Variants in ERCC3 observed in about 807,000 individuals in gnomAD.
ERCC3 encodes the protein ERCC excision repair 3, TFIIH core complex helicase subunit.
In ERCC3, 66 loss-of-function variants were observed where a neutral mutation model predicts 94.2. The observed-to-expected ratio is 0.70, with a 90% confidence interval of 0.57 to 0.86. ERCC3 has a LOEUF of 0.86. Among genes scored for constraint, ERCC3 ranks in the 40% least tolerant of loss-of-function variants. The pLI, the probability that ERCC3 is intolerant of heterozygous loss-of-function variation, is 0.00. For missense variants in ERCC3, 829 were observed against 987.1 expected, an observed-to-expected ratio of 0.84 and a Z score of 2.15; for synonymous variants, 349 against 369.1, an observed-to-expected ratio of 0.95 and a Z score of 0.63.
In ERCC3 at chr2:127,294,139, C is replaced by T. The variant is rs1167392883; in HGVS notation, c.-58G>A. ...GCTCCCACAGGCCCGCCGCGGCATC[C>T]GCTCTGGGGGGACTTCCGGCTCAAT... On this transcript the variant is annotated 5_prime_UTR_variant, in exon 1 of 15. Transcript: ENST00000285398. The T allele has an allele frequency of 1.3e-5, 20 of 1,585,168 alleles. No homozygotes were observed. The highest frequency in any genetic ancestry group is 2.3e-5 in the East Asian group (1 of 44,008).
chr2:127,276,188 C>T (rs935671053), intron 10 of ERCC3, among the ~76,000 whole-genome samples: 19 of 152,146 alleles, frequency 1.2e-4, no homozygotes, highest in African/African-American at 4.6e-4. Flanking sequence ...AAATTCCTCA[C>T]TGAAGAAACC....
At chr2:127,269,828 C>T (rs374355248) in intron 12 of ERCC3, among the ~76,000 whole-genome samples, 1 of 151,834 alleles carries the variant, frequency 6.6e-6, no homozygotes, top group East Asian at 2.0e-4. Flanking sequence ...ACGAGCCTGG[C>T]CAAAATGGTG....
intron 3 of ERCC3, chr2:127,292,369 G>A (rs564663922): frequency 5.3e-4 from 316 of 593,178 alleles, no homozygotes; most frequent in Middle Eastern, 1.8e-3. Context: ...CATGAGAAGC[G>A]TGGCCTCACC....
chr2:127,288,447 G>A (rs923739519), intron 7 of ERCC3, among the ~76,000 whole-genome samples: 1 of 152,196 alleles, frequency 6.6e-6, no homozygotes, highest in Non-Finnish European at 1.5e-5. Context: ...GGTCAGAAGT[G>A]TTGTTCTAGC....
intron 3 of ERCC3, 130 bp downstream of exon 3, chr2:127,292,480 T>C: frequency 1.3e-6 from 1 of 780,820 alleles, no homozygotes. Flanking sequence ...GGGTAATCAG[T>C]CGTTATGCTC....
At chr2:127,269,712 C>T (rs573536710) in intron 12 of ERCC3, among the ~76,000 whole-genome samples, 3 of 151,346 alleles carry the variant, frequency 2.0e-5, no homozygotes, top group South Asian at 2.1e-4. Context: ...TGAGCCACCG[C>T]GCCTGGCCTT....
intron 3 of ERCC3, 133 bp from the exon 4 acceptor site, chr2:127,290,406 A>C (rs914803812): frequency 1.3e-6 from 1 of 782,560 alleles, no homozygotes; most frequent in Non-Finnish European, 2.3e-6. Context: ...TTGCAATCCT[A>C]AAGTGGTCAG....
chr2:127,293,363 T>C, intron 2 of ERCC3, 150 bp downstream of exon 2: 1 of 747,326 alleles, frequency 1.3e-6, no homozygotes. Flanking sequence ...GCTGTTGCCT[T>C]GGGCTGTTCC....
In ERCC3 at chr2:127,257,791, C is replaced by CACTCCTTTTATAATAT; in HGVS notation, c.2218-65_2218-64insATATTATAAAAGGAGT. On this transcript the variant is annotated intron_variant, in intron 14 of 14. Coordinates refer to ENST00000285398, the MANE Select transcript of ERCC3 (RefSeq NM_000122.2). This position sits in a 1 kb window ranked among gnomAD's most constrained non-coding sequence, Gnocchi z 5.4. ...AAGAAAAGATACTCCTTTTATAATACTTATAATCACAGCAAATTTTATAAG... is the reference window on the plus strand; with the variant it reads ...AAGAAAAGATACTCCTTTTATAATACACTCCTTTTATAATATTTATAATCACAGCAAATTTTATAAG... 6.3e-7 allele frequency: 1 copy of CACTCCTTTTATAATAT among 1,577,692 alleles called. No homozygotes were observed. The highest frequency in any genetic ancestry group is 8.7e-7 in the Non-Finnish European group (1 of 1,148,180).
rs753534899 is a variant in ERCC3 at position 127,279,281 on chromosome 2, A to G, written c.1622T>C (p.Phe541Ser). 8 of 1,613,830 alleles carry G rather than the reference A, an allele frequency of 5.0e-6. No individual in the cohort carries two copies. In the East Asian group the frequency reaches 1.8e-4, roughly 36 times the overall value. The change falls in exon 10 of 15, where the codon TTT becomes TCT. Residue 541 changes from phenylalanine (F) to serine (S), a missense_variant. Transcript: ENST00000285398. The surrounding 1 kb of genome is among the most constrained non-coding windows in gnomAD (Gnocchi z 4.7). Reference sequence around the variant, plus strand: ...CTTGATCAGAAACTGGCAAGCTCTAAATTTGTTGGGGTTCATGGTGTACAG... The same window carrying G: ...CTTGATCAGAAACTGGCAAGCTCTAGATTTGTTGGGGTTCATGGTGTACAG... ...ILLYTMNPNK[F>S]RACQFLIKFH...
In ERCC3 at chr2:127,259,471, C is replaced by A; in HGVS notation, c.2065-23G>T. On this transcript the variant is annotated intron_variant, in intron 13 of 14. Transcript: ENST00000285398. This position sits in a 1 kb window ranked among gnomAD's most constrained non-coding sequence, Gnocchi z 4.9. ...CACCTGCAAAGCCCAAGCCAGCAGACATGCCCCTTTCTGCTCTCTCTCCCC... is the reference window on the plus strand; with the variant it reads ...CACCTGCAAAGCCCAAGCCAGCAGAAATGCCCCTTTCTGCTCTCTCTCCCC... 6.2e-7 allele frequency: 1 copy of A among 1,613,912 alleles called. No individual in the cohort carries two copies. The highest frequency in any genetic ancestry group is 8.5e-7 in the Non-Finnish European group (1 of 1,179,998).
Position 127,261,777 on chromosome 2 carries a change from T to A in ERCC3, c.1946-431A>T, listed in dbSNP as rs542065795. 5 of 256,558 alleles carry A rather than the reference T, an allele frequency of 1.9e-5. No homozygotes were observed. In the South Asian group the frequency reaches 2.3e-4, roughly 12 times the overall value. The allele number at this position is 256,558 out of a possible 1,614,324, so 15.9% of individuals were successfully genotyped here. A position where few individuals can be genotyped will look rare whatever the true frequency, so the allele number is the denominator to read the frequency against. On this transcript the variant is annotated intron_variant, in intron 12 of 14. Transcript: ENST00000285398. ...GCAACTCAAAAGCACAATGAGATTA[T>A]CACCTCACGCCCCTCTCCGAGGATG...
chr2:127,273,171 C>T (rs912004076), intron 10 of ERCC3, among the ~76,000 whole-genome samples: 1 of 152,206 alleles, frequency 6.6e-6, no homozygotes, highest in African/African-American at 2.4e-5. Flanking sequence ...CCATTCTCTT[C>T]GGGATTCCCT....
In ERCC3 at chr2:127,285,112, A is replaced by G. The variant is rs530489417; in HGVS notation, c.1342+1591T>C. Among the ~76,000 whole-genome samples, 10 of 152,370 alleles carry G rather than the reference A, an allele frequency of 6.6e-5. No individual in the cohort carries two copies. In the South Asian group the frequency reaches 1.2e-3, roughly 19 times the overall value. ...AAGGCACAGATGAATCATTATGGGA[A>G]GTGAAAGAAGCCAGACATAATATAT... is the stretch of plus-strand genomic sequence containing the variant. On this transcript the variant is annotated intron_variant, in intron 8 of 14. Coordinates refer to ENST00000285398, the MANE Select transcript of ERCC3 (RefSeq NM_000122.2).
chr2:127,267,911 T>A (rs973375344), intron 12 of ERCC3, among the ~76,000 whole-genome samples: 4 of 151,916 alleles, frequency 2.6e-5, no homozygotes, highest in East Asian at 1.9e-4. Flanking sequence ...TTCTTTTTTA[T>A]TTTTTTTCTT....
At chr2:127,288,527 G>C in intron 7 of ERCC3, 133 bp downstream of exon 7, 1 of 832,212 alleles carries the variant, frequency 1.2e-6, no homozygotes, top group South Asian at 1.3e-5. Flanking sequence ...GTCAAGTCAT[G>C]AATCAGGGAG....
intron 3 of ERCC3, 55 bp from the exon 4 acceptor site, chr2:127,290,328 T>C (rs1469240373): frequency 7.4e-7 from 1 of 1,347,580 alleles, no homozygotes; most frequent in Non-Finnish European, 1.1e-6. Context: ...CAGAACACAT[T>C]CATTACTGGT....
In ERCC3 at chr2:127,259,452, CA is replaced by C; in HGVS notation, c.2065-5del. 1 of 1,614,160 alleles carries C rather than the reference CA, an allele frequency of 6.2e-7. No individual in the cohort carries two copies. Among genetic ancestry groups the C allele is most frequent in the Non-Finnish European group, 8.5e-7 (1 of 1,180,028 alleles). ...TGCCAGCGAGTTTCGTGATCACCTG[CA>C]AAGCCCAAGCCAGCAGACATGCCCC... On this transcript the variant is annotated splice_region_variant and splice_polypyrimidine_tract_variant and intron_variant, in intron 13 of 14. Coordinates refer to ENST00000285398, the MANE Select transcript of ERCC3 (RefSeq NM_000122.2). The surrounding 1 kb of genome is among the most constrained non-coding windows in gnomAD (Gnocchi z 4.9).
In ERCC3 at chr2:127,257,677, A is replaced by G. The variant is rs1358004304; in HGVS notation, c.2268T>C (p.Thr756=). 5 of 1,614,102 alleles carry G rather than the reference A, an allele frequency of 3.1e-6. No homozygotes were observed. The Admixed American group carries it at 5.0e-5, about 16-fold the overall frequency. ...TMSSMSGADD[T]VYMEYHSSRS... is the part of the protein sequence containing the mutation. ...GCGATGAGTGGTACTCCATGTACAC[A>G]GTGTCGTCGGCCCCAGACATAGAAC... is the stretch of plus-strand genomic sequence containing the variant. The change falls in exon 15 of 15, where the codon ACT becomes ACC. Residue 756 remains threonine, a synonymous_variant. Coordinates refer to ENST00000285398, the MANE Select transcript of ERCC3 (RefSeq NM_000122.2). This position sits in a 1 kb window ranked among gnomAD's most constrained non-coding sequence, Gnocchi z 5.4.
Sources: gnomAD v4.1 joint callset for allele counts (sites outside exome capture counted in the v4.1 genomes callset) on GRCh38, gnomAD v4.1.1 for gene constraint, Gnocchi (gnomAD v3.1) non-coding constraint, MANE v1.5 for transcripts, NCBI Gene and HGNC (gene_info 2026-07-23, HGNC 2026-07-21) for gene names.